Variants in FHIP1A observed in about 807,000 individuals in gnomAD.
The protein encoded by FHIP1A is FHF complex subunit HOOK-interacting protein 1A.
Under a neutral mutation model 88.6 loss-of-function variants are expected in FHIP1A, and 61 were observed. That is an observed-to-expected ratio of 0.69 (90% confidence interval 0.56 to 0.85). The LOEUF is 0.85. FHIP1A is among the 40% of genes least tolerant of loss of function. The pLI is 0.00. For missense variants in FHIP1A, 1,154 were observed against 1,273.5 expected, an observed-to-expected ratio of 0.91 and a Z score of 1.43; for synonymous variants, 478 against 496.0, an observed-to-expected ratio of 0.96 and a Z score of 0.48.
chr4:151,609,979 A>G (rs1735261369), intron 7 of FHIP1A, among the ~76,000 whole-genome samples: 1 of 152,264 alleles, frequency 6.6e-6, no homozygotes, highest in Non-Finnish European at 1.5e-5. Flanking sequence ...AGGCACATTT[A>G]TTCATTGACA....
At chr4:151,487,753 C>G (rs1024830935) in intron 3 of FHIP1A, among the ~76,000 whole-genome samples, 1 of 152,184 alleles carries the variant, frequency 6.6e-6, no homozygotes, top group African/African-American at 2.4e-5. Flanking sequence ...TCTCATCGTA[C>G]AAATAAGGAA....
At chr4:151,661,597 A>T (rs1487369618) in intron 13 of FHIP1A, among the ~76,000 whole-genome samples, 3 of 152,056 alleles carry the variant, frequency 2.0e-5, no homozygotes, top group African/African-American at 7.2e-5. Context: ...GAGTAATGAG[A>T]TTGTTTGGGT....
chr4:151,566,333 G>A lies in FHIP1A; in HGVS notation c.74G>A (p.Cys25Tyr), dbSNP rs758190813. Residue 25 changes from cysteine (C) to tyrosine (Y), a missense_variant, in exon 4 of 14, where the codon TGC becomes TAC. Coordinates refer to ENST00000435205, the MANE Select transcript of FHIP1A (RefSeq NM_001109977.3). Reference sequence around the variant, plus strand: ...CTACAGGGAGTTGACCCAGAAACATGCATGATTGTATTTAAAAACCACTGG... The same window carrying A: ...CTACAGGGAGTTGACCCAGAAACATACATGATTGTATTTAAAAACCACTGG... The part of the protein sequence containing the change: ...VSLQGVDPET[C>Y]MIVFKNHWAQ... 6.4e-7 allele frequency: 1 copy of A among 1,550,468 alleles called. No homozygotes were observed. The highest frequency in any genetic ancestry group is 2.0e-5 in the Admixed American group (1 of 50,936).
intron 6 of FHIP1A, 30 bp downstream of exon 6, chr4:151,586,829 C>CTA (rs1186772855): frequency 6.7e-7 from 1 of 1,495,144 alleles, no homozygotes; most frequent in Non-Finnish European, 9.0e-7. Context: ...GATCCCTTTG[C>CTA]TATGGCTTCA....
chr4:151,426,435 T>C (rs545812867), intron 1 of FHIP1A, among the ~76,000 whole-genome samples: 17 of 152,308 alleles, frequency 1.1e-4, no homozygotes, highest in African/African-American at 4.1e-4. Context: ...TCAGACATAT[T>C]TCTTTGTGCT....
intron 3 of FHIP1A, among the ~76,000 whole-genome samples, chr4:151,491,033 G>C (rs1163119869): frequency 6.6e-6 from 1 of 151,964 alleles, no homozygotes; most frequent in Non-Finnish European, 1.5e-5. Context: ...TATTCCTAAG[G>C]AAGAAGAAAA....
chr4:151,638,567 A>T (rs1344522325), intron 8 of FHIP1A, 110 bp from the exon 9 acceptor site: 9 of 520,076 alleles, frequency 1.7e-5, no homozygotes, highest in Non-Finnish European at 2.8e-5. Flanking sequence ...AAAACTGCTA[A>T]AAAAAAAAAA....
chr4:151,512,537 G>T (rs1051664173), intron 3 of FHIP1A, among the ~76,000 whole-genome samples: 3 of 152,164 alleles, frequency 2.0e-5, no homozygotes, highest in Admixed American at 1.3e-4. Context: ...CAAAGGCAAA[G>T]AAGTTGAAAA....
intron 3 of FHIP1A, among the ~76,000 whole-genome samples, chr4:151,559,654 G>A (rs985086207): frequency 3.3e-5 from 5 of 152,104 alleles, no homozygotes; most frequent in Non-Finnish European, 5.9e-5. Context: ...AAGTGCTGTC[G>A]TTTATATAAC....
chr4:151,596,126 TC>T (rs1428468687), intron 7 of FHIP1A, among the ~76,000 whole-genome samples: 2 of 152,352 alleles, frequency 1.3e-5, no homozygotes, highest in East Asian at 3.9e-4. Flanking sequence ...GTGTCAGTGG[TC>T]TTTATAATTT....
At chr4:151,479,731 A>T (rs950675107) in intron 2 of FHIP1A, among the ~76,000 whole-genome samples, 2 of 152,044 alleles carry the variant, frequency 1.3e-5, no homozygotes, top group Non-Finnish European at 1.5e-5. Context: ...TGTGGATATT[A>T]ATTCTCTCTC....
In FHIP1A at chr4:151,566,371, T is replaced by C. The variant is rs1464303777; in HGVS notation, c.105+7T>C. On this transcript the variant is annotated splice_region_variant and intron_variant, in intron 4 of 13. Coordinates refer to ENST00000435205, the MANE Select transcript of FHIP1A (RefSeq NM_001109977.3). Reference sequence around the variant, plus strand: ...TAAAAACCACTGGGCACAGGTAATGTATGAATTCCACTTTTTTTGCTGGTC... The same window carrying C: ...TAAAAACCACTGGGCACAGGTAATGCATGAATTCCACTTTTTTTGCTGGTC... 6.6e-7 allele frequency: 1 copy of C among 1,523,698 alleles called. No individual in the cohort carries two copies. The highest frequency in any genetic ancestry group is 1.2e-5 in the South Asian group (1 of 83,448). The allele number at this position is 1,523,698 out of a possible 1,614,324, so 94.4% of individuals were successfully genotyped here. A position where few individuals can be genotyped will look rare whatever the true frequency, so the allele number is the denominator to read the frequency against.
Position 151,649,682 on chromosome 4 carries a change from G to A in FHIP1A, c.1641G>A (p.Ser547=), listed in dbSNP as rs1041167722. The A allele has an allele frequency of 1.2e-5, 19 of 1,551,414 alleles. No individual in the cohort carries two copies. In the African/African-American group the frequency reaches 1.2e-4, roughly 10 times the overall value. The change falls in exon 11 of 14, where the codon TCG becomes TCA. Residue 547 remains serine, a synonymous_variant. Coordinates refer to ENST00000435205, the MANE Select transcript of FHIP1A (RefSeq NM_001109977.3). ...QSLTEEGSVS[S]ACPVFGLPQQ... is the part of the protein sequence containing the mutation. ...TGACGGAGGAGGGCAGTGTGAGCTC[G>A]GCCTGCCCTGTGTTCGGGCTCCCGC... is the stretch of plus-strand genomic sequence containing the variant.
chr4:151,623,135 A>C (rs1735810904), intron 7 of FHIP1A, among the ~76,000 whole-genome samples: 1 of 152,166 alleles, frequency 6.6e-6, no homozygotes, highest in Non-Finnish European at 1.5e-5. Context: ...TGGACATAGG[A>C]CCATTTTTAT....
rs1253770121 is a variant in FHIP1A, at chr4:151,465,297, A to T, written c.-248+10489A>T. 3.3e-5 allele frequency among the ~76,000 whole-genome samples: 5 copies of T among 152,196 alleles called. No individual in the cohort carries two copies. The East Asian group carries it at 9.6e-4, about 29-fold the overall frequency. On this transcript the variant is annotated intron_variant, in intron 2 of 13. Transcript: ENST00000435205. ...AGAAGAAATGGATAAATTCCTGAACACATACACCCTCCCAAGACTAAACCA... is the reference window on the plus strand; with the variant it reads ...AGAAGAAATGGATAAATTCCTGAACTCATACACCCTCCCAAGACTAAACCA...
At chr4:151,580,268 T>A (rs1374986485) in intron 5 of FHIP1A, among the ~76,000 whole-genome samples, 2 of 152,214 alleles carry the variant, frequency 1.3e-5, no homozygotes, top group African/African-American at 4.8e-5. Flanking sequence ...TCTTTTGTAG[T>A]TTGACTTGTC....
intron 13 of FHIP1A, among the ~76,000 whole-genome samples, chr4:151,659,262 A>G (rs1737364314): frequency 6.6e-6 from 1 of 152,184 alleles, no homozygotes; most frequent in Non-Finnish European, 1.5e-5. Flanking sequence ...TTTCCAGGTT[A>G]GCCAAGTCAT....
intron 1 of FHIP1A, among the ~76,000 whole-genome samples, chr4:151,444,370 T>C (rs1366122607): frequency 6.6e-6 from 1 of 152,112 alleles, no homozygotes; most frequent in Non-Finnish European, 1.5e-5. Flanking sequence ...GACATATACA[T>C]ATAAAAGAAT....
chr4:151,645,662 A>T (rs1468989082), intron 9 of FHIP1A, among the ~76,000 whole-genome samples: 1 of 151,338 alleles, frequency 6.6e-6, no homozygotes, highest in Admixed American at 6.6e-5. Flanking sequence ...CTGCACACAT[A>T]TGTGATGCTT....
Sources: gnomAD v4.1 joint callset for allele counts (sites outside exome capture counted in the v4.1 genomes callset) on GRCh38, gnomAD v4.1.1 for gene constraint, MANE v1.5 for transcripts, NCBI Gene and HGNC (gene_info 2026-07-23, HGNC 2026-07-21) for gene names.